TMTC2: variants seen among roughly 807,000 people sequenced by gnomAD.
TMTC2 encodes the protein protein O-mannosyl-transferase TMTC2.
Under a neutral mutation model 82.4 loss-of-function variants are expected in TMTC2, and 43 were observed. The observed-to-expected ratio is 0.52, with a 90% CI of 0.41 to 0.67. TMTC2 has a LOEUF of 0.67. Among genes scored for constraint, TMTC2 ranks in the 30% least tolerant of loss-of-function variants. The pLI, the probability that TMTC2 is intolerant of heterozygous loss-of-function variation, is 0.00. For missense variants in TMTC2, 919 were observed against 1,012.4 expected, an observed-to-expected ratio of 0.91 and a Z score of 1.25; for synonymous variants, 408 against 381.9, an observed-to-expected ratio of 1.07 and a Z score of -0.80.
chr12:82,944,986 A>G (rs965448599), intron 4 of TMTC2, among the ~76,000 whole-genome samples: 27 of 152,224 alleles, frequency 1.8e-4, no homozygotes, highest in African/African-American at 6.5e-4. Flanking sequence ...ATTTGTTTCT[A>G]TCACATAGTG....
chr12:82,787,288 G>C (rs1878221869), intron 1 of TMTC2, among the ~76,000 whole-genome samples: 1 of 151,904 alleles, frequency 6.6e-6, no homozygotes, highest in Admixed American at 6.6e-5. Flanking sequence ...TATTTTCTGA[G>C]CTGAATTCCA....
At chr12:82,931,776 T>G (rs1463704173) in intron 4 of TMTC2, among the ~76,000 whole-genome samples, 1 of 152,182 alleles carries the variant, frequency 6.6e-6, no homozygotes, top group Non-Finnish European at 1.5e-5. Context: ...GATAGCATCC[T>G]TACTCTTCTC....
At chr12:82,978,554 C>A (rs1878781481) in intron 7 of TMTC2, among the ~76,000 whole-genome samples, 1 of 151,598 alleles carries the variant, frequency 6.6e-6, no homozygotes, top group South Asian at 2.1e-4. Context: ...AGAGAATATA[C>A]TTGATATAAT....
chr12:82,863,220 A>G lies in TMTC2; in HGVS notation c.654+5640A>G, dbSNP rs117562254. ...ATATATTTACCGTTTGTGATTTTCC[A>G]TACTCAACACCTGTGCCACTCTCCT... is the stretch of plus-strand genomic sequence containing the variant. On this transcript the variant is annotated intron_variant, in intron 2 of 11. Coordinates refer to ENST00000321196, the MANE Select transcript of TMTC2 (RefSeq NM_152588.3). Among the ~76,000 whole-genome samples, 40 of 152,126 alleles carry G rather than the reference A, an allele frequency of 2.6e-4. 1 individual carries two copies. The East Asian group carries it at 7.4e-3, about 28-fold the overall frequency.
At chr12:82,792,432 C>T (rs1878511952) in intron 1 of TMTC2, among the ~76,000 whole-genome samples, 1 of 151,916 alleles carries the variant, frequency 6.6e-6, no homozygotes, top group South Asian at 2.1e-4. Flanking sequence ...ACTTTCTATT[C>T]CCTCTCCTCT....
At chr12:82,824,966 G>C (rs1869327096) in intron 1 of TMTC2, among the ~76,000 whole-genome samples, 1 of 152,022 alleles carries the variant, frequency 6.6e-6, no homozygotes, top group Non-Finnish European at 1.5e-5. Flanking sequence ...GCGCGTGCCT[G>C]TTATCCCAGC....
Position 82,901,336 on chromosome 12 carries a change from G to A in TMTC2, c.1483+4690G>A, listed in dbSNP as rs141315011. Among the ~76,000 whole-genome samples, 38 of 127,254 alleles carry A rather than the reference G, an allele frequency of 3.0e-4. 2 individuals are homozygous for A. Among genetic ancestry groups the A allele is most frequent in the African/African-American group, 1.1e-3 (38 of 33,084 alleles). 83.5% of individuals were successfully genotyped at this position (127,254 alleles called of 152,430 possible). A position where few individuals can be genotyped will look rare whatever the true frequency, so the allele number is the denominator to read the frequency against. ...TTTTTTTTTTTTGAGACAGATTCTC[G>A]CTCTGTTGCCCAGGCTGGCATGCAG... On this transcript the variant is annotated intron_variant, in intron 3 of 11. Transcript: ENST00000321196.
chr12:82,790,785 C>T (rs1878433292), intron 1 of TMTC2, among the ~76,000 whole-genome samples: 1 of 150,970 alleles, frequency 6.6e-6, no homozygotes, highest in South Asian at 2.1e-4. Context: ...TGAGATCGCG[C>T]CTTTGCACTC....
At chr12:82,921,368 T>G (rs755775792) in intron 3 of TMTC2, among the ~76,000 whole-genome samples, 1 of 152,222 alleles carries the variant, frequency 6.6e-6, no homozygotes, top group Non-Finnish European at 1.5e-5. Context: ...ATAGTAATAC[T>G]ATAGACCCCA....
At chr12:83,051,971 C>G (rs1470430691) in intron 10 of TMTC2, among the ~76,000 whole-genome samples, 1 of 151,880 alleles carries the variant, frequency 6.6e-6, no homozygotes, top group African/African-American at 2.4e-5. Context: ...GTTTAAAAAG[C>G]ATTATTTGTC....
Position 83,054,109 on chromosome 12 carries a change from T to A in TMTC2, c.2267+3091T>A, listed in dbSNP as rs569513982. Among the ~76,000 whole-genome samples, 109 of 152,184 alleles carry A rather than the reference T, an allele frequency of 7.2e-4. 1 individual carries two copies. Among genetic ancestry groups the A allele is most frequent in the African/African-American group, 2.3e-3 (97 of 41,544 alleles). The stretch of plus-strand genomic sequence containing the variant: ...TTCCCTTTCTCTGACTTAGAAATTG[T>A]GGAAATGTAGATCCCTAAGTGACGA... On this transcript the variant is annotated intron_variant, in intron 10 of 11. Coordinates refer to ENST00000321196, the MANE Select transcript of TMTC2 (RefSeq NM_152588.3).
At chr12:83,029,366 T>C (rs1445146459) in intron 8 of TMTC2, among the ~76,000 whole-genome samples, 2 of 152,178 alleles carry the variant, frequency 1.3e-5, no homozygotes, top group Non-Finnish European at 2.9e-5. Context: ...TGTTAGTGTA[T>C]TTTATGTCTG....
chr12:82,876,066 G>GTGGTGA (rs1379806817), intron 2 of TMTC2, among the ~76,000 whole-genome samples: 10 of 101,130 alleles, frequency 9.9e-5, no homozygotes, highest in East Asian at 4.7e-4. Flanking sequence ...GGTGGTGGTG[G>GTGGTGA]TGATGATGAT....
intron 4 of TMTC2, among the ~76,000 whole-genome samples, chr12:82,940,416 A>C (rs1315151423): frequency 6.6e-6 from 1 of 151,848 alleles, no homozygotes; most frequent in Non-Finnish European, 1.5e-5. Flanking sequence ...ATTTATTCTT[A>C]GTTTTTTAGA....
chr12:82,983,924 GT>G (rs1282260053), intron 7 of TMTC2, among the ~76,000 whole-genome samples: 1 of 151,670 alleles, frequency 6.6e-6, no homozygotes, highest in African/African-American at 2.4e-5. Flanking sequence ...ACTTTTCCTA[GT>G]ACAAATTATT....
At chr12:82,817,054 G>A (rs1003761113) in intron 1 of TMTC2, among the ~76,000 whole-genome samples, 4 of 147,344 alleles carry the variant, frequency 2.7e-5, no homozygotes, top group South Asian at 2.2e-4. Context: ...TGTAACCTCC[G>A]CCTCCTGGGT....
At chr12:82,811,370 C>T (rs1004532837) in intron 1 of TMTC2, among the ~76,000 whole-genome samples, 8 of 151,768 alleles carry the variant, frequency 5.3e-5, no homozygotes, top group African/African-American at 1.9e-4. Flanking sequence ...AAAGATCTGC[C>T]CTTGTAGAAA....
chr12:83,100,064 C>T lies in TMTC2; in HGVS notation c.2332-32146C>T, dbSNP rs183602120. On this transcript the variant is annotated intron_variant, in intron 11 of 11. Coordinates refer to ENST00000321196, the MANE Select transcript of TMTC2 (RefSeq NM_152588.3). The stretch of plus-strand genomic sequence containing the variant: ...CCTCCCGAGTAGCTGGGATTCCCGG[C>T]GCCCGCCACCATGCTTGGCTAATTT... Among the ~76,000 whole-genome samples, 621 of 151,992 alleles carry T rather than the reference C, an allele frequency of 4.1e-3. 1 individual carries two copies. The highest frequency in any genetic ancestry group is 5.3e-3 in the Non-Finnish European group (359 of 67,980).
At chr12:82,727,020 G>A (rs1195856530) in intron 1 of TMTC2, among the ~76,000 whole-genome samples, 1 of 150,456 alleles carries the variant, frequency 6.6e-6, no homozygotes, top group Non-Finnish European at 1.5e-5. Flanking sequence ...AGCCACAGTT[G>A]AGTGACCTGT....
Sources: allele counts gnomAD v4.1 joint callset (sites outside exome capture counted in the v4.1 genomes callset), GRCh38; gene constraint gnomAD v4.1.1; transcripts MANE v1.5; gene names NCBI Gene and HGNC (gene_info 2026-07-23, HGNC 2026-07-21).